The following GRIN2A variants were observed in gnomAD, a reference collection of about 807,000 sequenced individuals.
The protein encoded by GRIN2A is glutamate receptor ionotropic, NMDA 2A.
Under a neutral mutation model 113.4 loss-of-function variants are expected in GRIN2A, and 22 were observed. That is an observed-to-expected ratio of 0.19 (90% confidence interval 0.14 to 0.28). The LOEUF (loss-of-function observed/expected upper bound fraction) is 0.28, where lower values mean the gene tolerates loss of function less well. Among genes scored for constraint, GRIN2A ranks in the 10% least tolerant of loss-of-function variants. GRIN2A has a pLI of 1.00. For synonymous variants in GRIN2A, 827 were observed against 738.4 expected (o/e 1.12, Z -1.94); for missense variants, 1,502 against 1,887.0 (o/e 0.80, Z 3.78).
chr16:9,779,562 G>C (rs1324233058), intron 11 of GRIN2A, among the ~76,000 whole-genome samples: 1 of 152,166 alleles, frequency 6.6e-6, no homozygotes, highest in Non-Finnish European at 1.5e-5. Flanking sequence ...GGAAGAAAAA[G>C]GGGAATGGAG....
At chr16:10,017,765 G>T (rs1201098172) in intron 2 of GRIN2A, among the ~76,000 whole-genome samples, 2 of 152,234 alleles carry the variant, frequency 1.3e-5, no homozygotes, top group South Asian at 2.1e-4. Context: ...TGACTCATCA[G>T]TCAAGATAAG....
intron 4 of GRIN2A, among the ~76,000 whole-genome samples, chr16:9,867,098 C>T (rs917998762): frequency 2.6e-5 from 4 of 152,104 alleles, no homozygotes; most frequent in African/African-American, 7.2e-5. Context: ...TTGTCATACC[C>T]ACAATTTTCC....
chr16:9,792,632 A>T (rs1158818801), intron 11 of GRIN2A, among the ~76,000 whole-genome samples: 3 of 152,112 alleles, frequency 2.0e-5, no homozygotes, highest in Non-Finnish European at 2.9e-5. Flanking sequence ...TGCCATATAC[A>T]TAATTTTTAA....
intron 2 of GRIN2A, chr16:10,112,813 A>G (rs537151353): frequency 1.5e-6 from 1 of 657,376 alleles, no homozygotes; most frequent in East Asian, 3.2e-5. Flanking sequence ...AAATTTGAGA[A>G]GTGGACCATG....
At chr16:10,044,044 GAGACAGAGAC>G (rs1424427627) in intron 2 of GRIN2A, among the ~76,000 whole-genome samples, 8 of 143,686 alleles carry the variant, frequency 5.6e-5, no homozygotes, top group African/African-American at 8.0e-5. Flanking sequence ...GAGAGAGAGA[GAGACAGAGAC>G]AGAGACAGAG....
Position 9,764,464 on chromosome 16 carries a change from G to A in GRIN2A, c.3080C>T (p.Ser1027Phe), listed in dbSNP as rs2141134955. ...ATCCCTCTGGGAGACTGGATTCTGG[G>A]ATAGTGAATCCTGGCGTATGGAATC... The part of the protein sequence containing the change: ...SVDSIRQDSL[S>F]QNPVSQRDEA... Residue 1027 changes from serine (S) to phenylalanine (F), a missense_variant, in exon 13 of 13, where the codon TCC becomes TTC. Physicochemically the swap from Ser to Phe is radical, Grantham distance 155. Around this residue, in one of 7 missense-constraint regions of GRIN2A, gnomAD observed 832 missense variants for 789.7 expected, o/e 1.05. Transcript: ENST00000330684. 1 of 1,614,082 alleles carries A rather than the reference G, an allele frequency of 6.2e-7. No homozygotes were observed.
At chr16:9,783,930 A>G (rs1902069198) in intron 11 of GRIN2A, among the ~76,000 whole-genome samples, 1 of 152,164 alleles carries the variant, frequency 6.6e-6, no homozygotes. Context: ...GAGAACACAT[A>G]GACATATAGA....
chr16:10,022,810 G>T (rs2046750334), intron 2 of GRIN2A, among the ~76,000 whole-genome samples: 1 of 152,138 alleles, frequency 6.6e-6, no homozygotes, highest in Admixed American at 6.5e-5. Flanking sequence ...CGTTTCTTTT[G>T]AGTATTATGC....
chr16:10,074,630 CA>C (rs2047833443), intron 2 of GRIN2A, among the ~76,000 whole-genome samples: 2 of 152,156 alleles, frequency 1.3e-5, no homozygotes, highest in Non-Finnish European at 2.9e-5. Context: ...AAACCAGACG[CA>C]AAAGGCCATG....
At chr16:9,934,059 CAGAT>C (rs2044657007) in intron 3 of GRIN2A, among the ~76,000 whole-genome samples, 1 of 152,152 alleles carries the variant, frequency 6.6e-6, no homozygotes, top group Admixed American at 6.5e-5. Flanking sequence ...GACAGGGAAA[CAGAT>C]AGAATCAGAA....
intron 2 of GRIN2A, among the ~76,000 whole-genome samples, chr16:10,002,499 G>A (rs1292904955): frequency 6.6e-6 from 1 of 152,210 alleles, no homozygotes; most frequent in South Asian, 2.1e-4. Flanking sequence ...AGGTGGGTAA[G>A]AGAAGGAAGT....
At chr16:9,995,384 A>G (rs1474681593) in intron 2 of GRIN2A, among the ~76,000 whole-genome samples, 2 of 152,174 alleles carry the variant, frequency 1.3e-5, no homozygotes, top group African/African-American at 4.8e-5. Flanking sequence ...ACGAATTAGG[A>G]TTTTTAAATG....
intron 5 of GRIN2A, among the ~76,000 whole-genome samples, chr16:9,845,264 T>C (rs1176683316): frequency 1.3e-5 from 2 of 152,218 alleles, no homozygotes. Flanking sequence ...TCAATTCTTT[T>C]AAAGACAGCA....
At chr16:10,055,374 T>G (rs751534842) in intron 2 of GRIN2A, among the ~76,000 whole-genome samples, 2 of 152,290 alleles carry the variant, frequency 1.3e-5, no homozygotes, top group East Asian at 1.9e-4. Flanking sequence ...TACATGGTTG[T>G]TTGTTATTTT....
intron 3 of GRIN2A, among the ~76,000 whole-genome samples, chr16:9,907,217 TGTGACCATAG>T: frequency 6.6e-6 from 1 of 152,334 alleles, no homozygotes; most frequent in East Asian, 1.9e-4. Flanking sequence ...CAGGTTTTTG[TGTGACCATAG>T]GTTAAATACC....
chr16:9,783,980 A>G (rs890770746), intron 11 of GRIN2A, among the ~76,000 whole-genome samples: 8 of 152,050 alleles, frequency 5.3e-5, no homozygotes, highest in African/African-American at 1.7e-4. Context: ...AGGGTGGAGG[A>G]TAGGAGGAGG....
chr16:9,780,142 G>C (rs983345926), intron 11 of GRIN2A, among the ~76,000 whole-genome samples: 1 of 152,190 alleles, frequency 6.6e-6, no homozygotes, highest in Non-Finnish European at 1.5e-5. Flanking sequence ...GCAAATTGGA[G>C]AAACTACCTG....
chr16:9,982,772 G>C (rs751366932), intron 2 of GRIN2A, among the ~76,000 whole-genome samples: 2 of 152,102 alleles, frequency 1.3e-5, no homozygotes, highest in Non-Finnish European at 2.9e-5. Context: ...TAACTGCTTT[G>C]CTCATTGCAG....
At chr16:9,827,301 C>T (rs1214793500) in intron 9 of GRIN2A, among the ~76,000 whole-genome samples, 1 of 152,202 alleles carries the variant, frequency 6.6e-6, no homozygotes, top group Non-Finnish European at 1.5e-5. Context: ...CTCTGAGATA[C>T]CACCCGCTTT....
Sources: allele counts gnomAD v4.1 joint callset (sites outside exome capture counted in the v4.1 genomes callset), GRCh38; gene constraint gnomAD v4.1.1; regional missense constraint gnomAD v4.1.1; transcripts MANE v1.5; gene names NCBI Gene and HGNC (gene_info 2026-07-23, HGNC 2026-07-21).